The following ITLN2 variants were observed in gnomAD, a reference collection of about 807,000 sequenced individuals.
The protein encoded by ITLN2 is intelectin-2.
A neutral mutation model predicts 39.4 loss-of-function variants in ITLN2; 29 were observed. The ratio of observed to expected loss-of-function variants is 0.74; its 90% CI spans 0.55 to 1.00. The LOEUF (loss-of-function observed/expected upper bound fraction) is 1.00, where lower values mean the gene tolerates loss of function less well. Ranked by LOEUF, ITLN2 falls within the 50% of genes least tolerant of loss-of-function variation. The probability of loss-of-function intolerance (pLI) is 0.00; values close to 1 mark genes in which losing one functional copy is unlikely to be tolerated. For missense variants in ITLN2, 412 were observed against 416.7 expected (o/e 0.99, Z 0.10); for synonymous variants, 156 against 153.4 (o/e 1.02, Z -0.12).
In ITLN2 at chr1:160,946,314, A is replaced by AAAAT. The variant is rs955347015; in HGVS notation, c.826-1026_826-1023dup. Reference sequence around the variant, plus strand: ...CAACAAGAGTGAAACTCCCTCTCAAAAAATAAATAAATAAATACATAAGAT... The same window carrying AAAAT: ...CAACAAGAGTGAAACTCCCTCTCAAAAAATAAATAAATAAATAAATACATAAGAT... On this transcript the variant is annotated intron_variant, in intron 7 of 7. Transcript: ENST00000368029. 5.3e-5 allele frequency among the ~76,000 whole-genome samples: 8 copies of AAAAT among 152,078 alleles called. No homozygotes were observed. The South Asian group carries it at 1.2e-3, about 24-fold the overall frequency.
Position 160,954,442 on chromosome 1 carries a change from C to T in ITLN2, c.24G>A (p.Met8Ile), listed in dbSNP as rs1222937687. 1.8e-5 allele frequency: 28 copies of T among 1,579,382 alleles called. No individual in the cohort carries two copies. Among genetic ancestry groups the T allele is most frequent in the Non-Finnish European group, 2.3e-5 (27 of 1,161,114 alleles). Reference sequence around the variant, plus strand: ...AGAATAACAGGAAGCAGAGTCTGGTCATTGTCCTCTAAGGAAAAACAAGAT... The same window carrying T: ...AGAATAACAGGAAGCAGAGTCTGGTTATTGTCCTCTAAGGAAAAACAAGAT... MLSMLRT[M>I]TRLCFLLFFS... The change falls in exon 2 of 8, where the codon ATG becomes ATA. Residue 8 changes from methionine (M) to isoleucine (I), a missense_variant. By Grantham distance (10) the Met-to-Ile change is conservative (BLOSUM62 1). Coordinates refer to ENST00000368029, the MANE Select transcript of ITLN2 (RefSeq NM_080878.3).
intron 7 of ITLN2, among the ~76,000 whole-genome samples, chr1:160,946,858 C>T (rs1671616606): frequency 6.6e-6 from 1 of 151,916 alleles, no homozygotes; most frequent in South Asian, 2.1e-4. Context: ...CACATTGATA[C>T]ACCCCACACA....
rs759031396 is a variant in ITLN2, at chr1:160,945,094, C to T, written c.*46G>A. ...TCCAGTTTTTCCGTCTCCAAATAGC[C>T]GGGGTTGGAAGATGGGTTCTCGCCC... On this transcript the variant is annotated 3_prime_UTR_variant, in exon 8 of 8. Transcript: ENST00000368029. The T allele has an allele frequency of 3.5e-5, 53 of 1,512,174 alleles. No homozygotes were observed. Among genetic ancestry groups the T allele is most frequent in the Non-Finnish European group, 4.7e-5 (53 of 1,137,712 alleles). The allele number at this position is 1,512,174 out of a possible 1,614,324, so 93.7% of individuals were successfully genotyped here.
chr1:160,952,574 A>G, intron 3 of ITLN2, 46 bp downstream of exon 3: 1 of 1,361,458 alleles, frequency 7.3e-7, no homozygotes, highest in Non-Finnish European at 1.1e-6. Context: ...CTGTTGAGCT[A>G]AAAAGTGGCT....
At chr1:160,952,795 A>T in intron 2 of ITLN2, 62 bp from the exon 3 acceptor site, 1 of 1,196,086 alleles carries the variant, frequency 8.4e-7, no homozygotes, top group Non-Finnish European at 1.2e-6. Context: ...TTTCCTGGCC[A>T]ATCTCTGCCC....
At chr1:160,949,780 C>G (rs1471487286) in intron 6 of ITLN2, 1 of 371,906 alleles carries the variant, frequency 2.7e-6, no homozygotes, top group Non-Finnish European at 5.0e-6. Flanking sequence ...ATCTCTTTTT[C>G]TTTTCCCCAC....
At position 160,951,428 on chromosome 1, in the gene ITLN2, T is replaced by C. The variant is rs790061; in HGVS notation, c.194-138A>G. 4,293 of 1,170,400 alleles carry C rather than the reference T, an allele frequency of 3.7e-3. 129 individuals carry two copies. In the African/African-American group the frequency reaches 0.059, roughly 16 times the overall value. 72.5% of individuals were successfully genotyped at this position (1,170,400 alleles called of 1,614,324 possible). The stretch of plus-strand genomic sequence containing the variant: ...ATACTTGCTGGAAGACGATGCTCCA[T>C]GCATCTTGTGTTCTGCTCACCTATG... On this transcript the variant is annotated intron_variant, in intron 3 of 7. Transcript: ENST00000368029.
chr1:160,947,899 C>T (rs187943366), intron 7 of ITLN2, 30 bp downstream of exon 7: 15 of 1,394,030 alleles, frequency 1.1e-5, no homozygotes, highest in East Asian at 6.8e-5. Flanking sequence ...TTTCCCCACA[C>T]GTGGGCCATT....
In ITLN2 at chr1:160,945,253, G is replaced by T. The variant is rs776216564; in HGVS notation, c.865C>A (p.Pro289Thr). 9 of 1,595,526 alleles carry T rather than the reference G, an allele frequency of 5.6e-6. No individual in the cohort carries two copies. Among genetic ancestry groups the T allele is most frequent in the South Asian group, 2.3e-5 (2 of 87,788 alleles). The change falls in exon 8 of 8, where the codon CCC becomes ACC. Residue 289 changes from proline (P) to threonine (T), a missense_variant. Coordinates refer to ENST00000368029, the MANE Select transcript of ITLN2 (RefSeq NM_080878.3). ...GGGGFFPQGK[P>T]RQCGDFSAFD... ...GCGGAGAAGTCCCCACACTGACGGG[G>T]TTTGCCCTGTGGGAAGAACCCTCCT...
At chr1:160,954,566 T>C in intron 1 of ITLN2, 116 bp from the exon 2 acceptor site, 1 of 1,214,138 alleles carries the variant, frequency 8.2e-7, no homozygotes, top group Non-Finnish European at 1.2e-6. Flanking sequence ...GATGGGCTCA[T>C]GAGCATTCTA....
chr1:160,954,446 G>T lies in ITLN2; in HGVS notation c.20C>A (p.Thr7Lys). 6.3e-7 allele frequency: 1 copy of T among 1,577,848 alleles called. No individual in the cohort carries two copies. Among genetic ancestry groups the T allele is most frequent in the Non-Finnish European group, 8.6e-7 (1 of 1,160,028 alleles). ...TAACAGGAAGCAGAGTCTGGTCATT[G>T]TCCTCTAAGGAAAAACAAGATGCAC... MLSMLR[T>K]MTRLCFLLFF... The change falls in exon 2 of 8, where the codon ACA becomes AAA. Residue 7 changes from threonine (T) to lysine (K), a missense_variant. Transcript: ENST00000368029.
intron 6 of ITLN2, chr1:160,949,792 A>G: frequency 4.9e-6 from 2 of 411,978 alleles, no homozygotes; most frequent in Admixed American, 7.1e-5. Context: ...TTTCCCCACA[A>G]TTATAAGAGT....
At chr1:160,948,214 TG>T (rs67462184) in intron 6 of ITLN2, among the ~76,000 whole-genome samples, 182 bp from the exon 7 acceptor site, 4,471 of 152,248 alleles carry the variant, frequency 0.029, 230 homozygotes, top group African/African-American at 0.1. Flanking sequence ...GTCCTAAACT[TG>T]TCCCCAAGGA....
chr1:160,954,506 T>C (rs1671820041), intron 1 of ITLN2, 56 bp from the exon 2 acceptor site: 1 of 1,416,668 alleles, frequency 7.1e-7, no homozygotes, highest in East Asian at 2.4e-5. Flanking sequence ...TGTCATCCTC[T>C]CGTTCTTACT....
At chr1:160,948,183 G>A in intron 6 of ITLN2, 151 bp from the exon 7 acceptor site, 2 of 624,250 alleles carry the variant, frequency 3.2e-6, no homozygotes, top group Non-Finnish European at 5.7e-6. Context: ...TACCTTTATG[G>A]CCAGTGGCTG....
intron 2 of ITLN2, among the ~76,000 whole-genome samples, chr1:160,953,540 T>G (rs1324388538): frequency 6.6e-6 from 1 of 152,038 alleles, no homozygotes; most frequent in Non-Finnish European, 1.5e-5. Context: ...TGAAACCCCA[T>G]CTCTACTAAA....
chr1:160,949,733 T>C, intron 6 of ITLN2: 1 of 255,750 alleles, frequency 3.9e-6, no homozygotes, highest in Non-Finnish European at 7.7e-6. Flanking sequence ...GAGTCTCTTA[T>C]GTCTACTTCT....
intron 6 of ITLN2, chr1:160,949,713 G>A (rs192313954): frequency 3.6e-5 from 8 of 219,708 alleles, no homozygotes; most frequent in African/African-American, 1.4e-4. Flanking sequence ...TCTCAGCACA[G>A]ACCAAAATGG....
In ITLN2 at chr1:160,952,806, C is replaced by T. The variant is rs145022427; in HGVS notation, c.80-73G>A. 1,217 of 1,067,400 alleles carry T rather than the reference C, an allele frequency of 1.1e-3. 10 individuals carry two copies. In the African/African-American group the frequency reaches 0.017, roughly 15 times the overall value. The allele number at this position is 1,067,400 out of a possible 1,614,324, so 66.1% of individuals were successfully genotyped here. Reference sequence around the variant, plus strand: ...CATCTTTCCTGGCCAATCTCTGCCCCTGTATCAACTCATCACTCTGCTCTG... The same window carrying T: ...CATCTTTCCTGGCCAATCTCTGCCCTTGTATCAACTCATCACTCTGCTCTG... On this transcript the variant is annotated intron_variant, in intron 2 of 7. Coordinates refer to ENST00000368029, the MANE Select transcript of ITLN2 (RefSeq NM_080878.3).
Sources: allele counts gnomAD v4.1 joint callset (sites outside exome capture counted in the v4.1 genomes callset), GRCh38; gene constraint gnomAD v4.1.1; transcripts MANE v1.5; gene names NCBI Gene and HGNC (gene_info 2026-07-23, HGNC 2026-07-21).